ZNF430: variants seen among roughly 807,000 people sequenced by gnomAD.
ZNF430 encodes zinc finger protein 430.
In ZNF430, 35 loss-of-function variants were observed where a neutral mutation model predicts 56.7. The observed-to-expected ratio is 0.62, with a 90% CI of 0.47 to 0.82. The LOEUF (loss-of-function observed/expected upper bound fraction) is 0.82, where lower values mean the gene tolerates loss of function less well. ZNF430 is among the 40% of genes least tolerant of loss of function. The probability of loss-of-function intolerance (pLI) is 0.00; values close to 1 mark genes in which losing one functional copy is unlikely to be tolerated. For missense variants in ZNF430, 574 were observed against 661.0 expected, an observed-to-expected ratio of 0.87 and a Z score of 1.44; for synonymous variants, 212 against 224.3, an observed-to-expected ratio of 0.94 and a Z score of 0.49.
intron 2 of ZNF430, among the ~76,000 whole-genome samples, chr19:21,031,179 C>T (rs1967895839): frequency 1.3e-5 from 2 of 152,142 alleles, no homozygotes; most frequent in Non-Finnish European, 2.9e-5. Flanking sequence ...CCACCGCGCC[C>T]GGCCTCTGCC....
At chr19:21,042,667 G>A (rs28780501) in intron 4 of ZNF430, among the ~76,000 whole-genome samples, 2,289 of 151,988 alleles carry the variant, frequency 0.015, 65 homozygotes, top group African/African-American at 0.053. Flanking sequence ...GGACGCCTGT[G>A]GTCCCCGCTA....
rs1968435945 is a variant in ZNF430, at chr19:21,059,598, C to A, written c.*1577C>A. On this transcript the variant is annotated 3_prime_UTR_variant, in exon 5 of 5. Transcript: ENST00000261560. ...TGGTAGAAAAATTATTTGTATATAA[C>A]TTTAAAAGGAGTAGAAGGGCTTTTT... 6.8e-6 allele frequency: 1 copy of A among 146,670 alleles called. No homozygotes were observed. The highest frequency in any genetic ancestry group is 2.1e-4 in the South Asian group (1 of 4,652). The allele number at this position is 146,670 out of a possible 1,614,324, so 9.1% of individuals were successfully genotyped here. A position where few individuals can be genotyped will look rare whatever the true frequency, so the allele number is the denominator to read the frequency against.
intron 2 of ZNF430, among the ~76,000 whole-genome samples, chr19:21,028,379 G>A (rs537143311): frequency 1.3e-5 from 2 of 152,268 alleles, no homozygotes; most frequent in African/African-American, 4.8e-5. Context: ...CCTGTAAAAT[G>A]TGATACTGGA....
chr19:21,022,774 T>G lies in ZNF430; in HGVS notation c.4-15T>G. The G allele has an allele frequency of 6.4e-7, 1 of 1,570,392 alleles. No individual in the cohort carries two copies. Among genetic ancestry groups the G allele is most frequent in the Non-Finnish European group, 8.8e-7 (1 of 1,140,164 alleles). ...GTCTAGTGGATATCAGCTTCTGGGTTATTTTCTCCCATAGGAGAACCTGAA... is the reference window on the plus strand; with the variant it reads ...GTCTAGTGGATATCAGCTTCTGGGTGATTTTCTCCCATAGGAGAACCTGAA... On this transcript the variant is annotated splice_polypyrimidine_tract_variant and intron_variant, in intron 1 of 4. Transcript: ENST00000261560.
intron 2 of ZNF430, among the ~76,000 whole-genome samples, chr19:21,031,883 A>T (rs955919752): frequency 2.0e-5 from 3 of 152,188 alleles, no homozygotes; most frequent in Non-Finnish European, 4.4e-5. Flanking sequence ...TAACTACATT[A>T]AAAAATTCTT....
At chr19:21,026,308 C>G (rs981275188) in intron 2 of ZNF430, among the ~76,000 whole-genome samples, 1 of 152,040 alleles carries the variant, frequency 6.6e-6, no homozygotes, top group Non-Finnish European at 1.5e-5. Flanking sequence ...CCTGTCTCAG[C>G]CTTCTGAGTA....
chr19:21,028,146 A>G (rs1338995230), intron 2 of ZNF430, among the ~76,000 whole-genome samples: 2 of 152,176 alleles, frequency 1.3e-5, no homozygotes, highest in African/African-American at 4.8e-5. Context: ...AATGTACAGA[A>G]AACCAACAGG....
At chr19:21,034,506 C>A in intron 4 of ZNF430, 1 of 208,936 alleles carries the variant, frequency 4.8e-6, no homozygotes, top group Non-Finnish European at 9.4e-6. Flanking sequence ...TTGAGAAACT[C>A]TATGTTAAAC....
intron 2 of ZNF430, among the ~76,000 whole-genome samples, chr19:21,026,960 G>C (rs371538794): frequency 1.6e-4 from 24 of 148,692 alleles, no homozygotes; most frequent in South Asian, 4.3e-4. Context: ...CTCCTGAGTA[G>C]CTGGGACTAC....
intron 4 of ZNF430, chr19:21,036,342 A>G (rs2144765363): frequency 6.6e-6 from 1 of 152,320 alleles, no homozygotes. Context: ...AAATATTTTC[A>G]CCATCTCTTA....
intron 3 of ZNF430, 160 bp downstream of exon 3, chr19:21,033,742 T>C: frequency 1.1e-6 from 1 of 880,490 alleles, no homozygotes; most frequent in Non-Finnish European, 1.6e-6. Context: ...AAGAATTTTT[T>C]CAAGAAGTTT....
At chr19:21,043,693 C>T (rs933502204) in intron 4 of ZNF430, among the ~76,000 whole-genome samples, 1 of 151,990 alleles carries the variant, frequency 6.6e-6, no homozygotes, top group Non-Finnish European at 1.5e-5. Flanking sequence ...CATTGAATTA[C>T]TTTTGGCAGT....
rs1358095076 is a variant in ZNF430 at position 21,020,764 on chromosome 19, T to C, written c.-37T>C. The C allele has an allele frequency of 4.3e-6, 7 of 1,613,168 alleles. No homozygotes were observed. The highest frequency in any genetic ancestry group is 5.9e-6 in the Non-Finnish European group (7 of 1,179,544). ...TGTGACCCGCAGGTATTGGGAGATC[T>C]ACAGCTAAGACGCCAGGAACCCCTG... On this transcript the variant is annotated 5_prime_UTR_variant, in exon 1 of 5. Transcript: ENST00000261560.
chr19:21,024,241 C>A, intron 2 of ZNF430, among the ~76,000 whole-genome samples: 1 of 152,030 alleles, frequency 6.6e-6, no homozygotes. Flanking sequence ...AGGTGGGGAC[C>A]CACAGGCAGA....
intron 4 of ZNF430, among the ~76,000 whole-genome samples, chr19:21,039,990 C>A (rs1460265744): frequency 6.6e-6 from 1 of 152,108 alleles, no homozygotes; most frequent in Non-Finnish European, 1.5e-5. Flanking sequence ...ACATGCACTA[C>A]CGTGCCTCGC....
intron 1 of ZNF430, 98 bp from the exon 2 acceptor site, chr19:21,022,691 G>A (rs1226808175): frequency 5.5e-6 from 5 of 902,764 alleles, no homozygotes; most frequent in Non-Finnish European, 9.2e-6. Context: ...CTGGTCCTGG[G>A]TTTCAGTATT....
At chr19:21,026,671 A>G (rs1967802014) in intron 2 of ZNF430, among the ~76,000 whole-genome samples, 1 of 152,012 alleles carries the variant, frequency 6.6e-6, no homozygotes, top group Non-Finnish European at 1.5e-5. Flanking sequence ...TTGTACGTGT[A>G]TTTTGTATCC....
intron 4 of ZNF430, among the ~76,000 whole-genome samples, chr19:21,054,973 C>T (rs895386768): frequency 1.3e-5 from 2 of 151,960 alleles, no homozygotes; most frequent in Middle Eastern, 3.4e-3. Context: ...CGCGCCCGGC[C>T]GTCATTTTTT....
chr19:21,057,991 T>C lies in ZNF430; in HGVS notation c.1683T>C (p.Asn561=), dbSNP rs1968412340. 6.2e-7 allele frequency: 1 copy of C among 1,612,820 alleles called. No individual in the cohort carries two copies. The highest frequency in any genetic ancestry group is 1.7e-4 in the Middle Eastern group (1 of 6,052). Residue 561 remains asparagine, a synonymous_variant, in exon 5 of 5, where the codon AAT becomes AAC. Transcript: ENST00000261560. ...NQSSNLIEQS[N]SYWRETLQM ...CCTCAAACCTTATTGAACAAAGTAA[T>C]TCATACTGGAGAGAAACCCTACAAA...
Sources: gnomAD v4.1 joint callset for allele counts (sites outside exome capture counted in the v4.1 genomes callset) on GRCh38, gnomAD v4.1.1 for gene constraint, MANE v1.5 for transcripts, NCBI Gene and HGNC (gene_info 2026-07-23, HGNC 2026-07-21) for gene names.